The following CDH12 variants were observed in gnomAD, a reference collection of about 807,000 sequenced individuals.
CDH12 encodes the protein cadherin-12.
CDH12 carries 41 observed loss-of-function variants against 74.1 expected under a neutral mutation model. The ratio of observed to expected loss-of-function variants is 0.55; its 90% CI spans 0.43 to 0.72. CDH12 has a LOEUF of 0.72. CDH12 is among the 30% of genes least tolerant of loss of function. The pLI is 0.00. For synonymous variants in CDH12, 399 were observed against 355.0 expected (o/e 1.12, Z -1.39); for missense variants, 945 against 977.2 (o/e 0.97, Z 0.44).
chr5:22,501,757 A>AC lies in CDH12; in HGVS notation c.-428+3512_-428+3513insG, dbSNP rs1328697222. ...CTTACAAAGTATATTAAAAAAAAAA[A>AC]AAAACAGATGGCTCTGCAATTCATT... On this transcript the variant is annotated intron_variant, in intron 2 of 14. Coordinates refer to ENST00000382254, the MANE Select transcript of CDH12 (RefSeq NM_004061.5). Among the ~76,000 whole-genome samples the AC allele has an allele frequency of 1.3e-4, 19 of 151,648 alleles. 1 individual carries two copies. The highest frequency in any genetic ancestry group is 5.8e-4 in the East Asian group (3 of 5,178).
chr5:22,582,906 G>A (rs750048929), intron 1 of CDH12, among the ~76,000 whole-genome samples: 14 of 152,058 alleles, frequency 9.2e-5, no homozygotes, highest in Non-Finnish European at 1.2e-4. Context: ...CACTATAGGG[G>A]GATTGATATA....
intron 6 of CDH12, among the ~76,000 whole-genome samples, chr5:21,889,037 C>T (rs917854716): frequency 9.2e-5 from 14 of 151,928 alleles, no homozygotes; most frequent in African/African-American, 2.7e-4. Flanking sequence ...TAGAAAAGCA[C>T]ATATGATTAT....
intron 1 of CDH12, among the ~76,000 whole-genome samples, chr5:22,821,217 T>G (rs1222611814): frequency 6.6e-6 from 1 of 152,148 alleles, no homozygotes; most frequent in Non-Finnish European, 1.5e-5. Flanking sequence ...ATAAATTAGG[T>G]ATTGATGGGA....
chr5:21,878,896 G>T (rs1752092384), intron 6 of CDH12, among the ~76,000 whole-genome samples: 1 of 134,678 alleles, frequency 7.4e-6, no homozygotes, highest in Non-Finnish European at 1.6e-5. Flanking sequence ...AAAGAAAGAA[G>T]AAAGAAAAAG....
chr5:22,169,065 A>T (rs532282359), intron 4 of CDH12, among the ~76,000 whole-genome samples: 1 of 151,630 alleles, frequency 6.6e-6, no homozygotes. Flanking sequence ...TCTCTAGTCT[A>T]ATTCAGACCT....
At chr5:22,156,617 T>C (rs1472659730) in intron 4 of CDH12, among the ~76,000 whole-genome samples, 2 of 152,156 alleles carry the variant, frequency 1.3e-5, no homozygotes, top group Admixed American at 6.6e-5. Context: ...ATACAGTTTT[T>C]ACATAAGATA....
At chr5:22,363,519 T>G (rs1159349454) in intron 3 of CDH12, among the ~76,000 whole-genome samples, 1 of 152,166 alleles carries the variant, frequency 6.6e-6, no homozygotes, top group East Asian at 1.9e-4. Context: ...CCAAACAACC[T>G]TTTACACAGC....
At chr5:22,776,776 T>G (rs988485066) in intron 1 of CDH12, among the ~76,000 whole-genome samples, 4 of 149,652 alleles carry the variant, frequency 2.7e-5, no homozygotes, top group Non-Finnish European at 6.0e-5. Context: ...TCAGAATGGT[T>G]CTTTCTTTAT....
intron 4 of CDH12, among the ~76,000 whole-genome samples, chr5:22,195,490 T>C (rs1367603551): frequency 6.6e-6 from 1 of 152,232 alleles, no homozygotes; most frequent in African/African-American, 2.4e-5. Flanking sequence ...AATTCTACTT[T>C]ACAAACTTGG....
At chr5:22,247,342 G>A (rs375138095) in intron 3 of CDH12, among the ~76,000 whole-genome samples, 5 of 152,046 alleles carry the variant, frequency 3.3e-5, no homozygotes, top group African/African-American at 4.8e-5. Context: ...CATGCTTCAC[G>A]TCAGACTACA....
intron 6 of CDH12, among the ~76,000 whole-genome samples, chr5:21,948,500 T>C (rs1755680069): frequency 6.6e-6 from 1 of 152,238 alleles, no homozygotes; most frequent in Admixed American, 6.5e-5. Flanking sequence ...ATTTATCCAA[T>C]TCCTGTACCC....
intron 3 of CDH12, among the ~76,000 whole-genome samples, chr5:22,266,389 T>C (rs1228013611): frequency 6.6e-6 from 1 of 152,114 alleles, no homozygotes; most frequent in East Asian, 1.9e-4. Flanking sequence ...GTTGATTTTT[T>C]AATTAAACCA....
chr5:22,112,307 C>T (rs1744862975), intron 4 of CDH12, among the ~76,000 whole-genome samples: 1 of 152,028 alleles, frequency 6.6e-6, no homozygotes, highest in African/African-American at 2.4e-5. Context: ...TTTTCTATTT[C>T]AAAGAGAAGA....
intron 7 of CDH12, among the ~76,000 whole-genome samples, chr5:21,844,995 GTAGGTAGATAGA>G (rs990677385): frequency 3.7e-5 from 4 of 107,646 alleles, no homozygotes; most frequent in Non-Finnish European, 7.5e-5. Context: ...GACTACTGAG[GTAGGTAGATAGA>G]TAGATAGATA....
intron 2 of CDH12, among the ~76,000 whole-genome samples, chr5:22,499,271 C>G (rs1037972172): frequency 6.6e-6 from 1 of 152,016 alleles, no homozygotes; most frequent in African/African-American, 2.4e-5. Flanking sequence ...GAAATATCCA[C>G]GAATGTGTGG....
At position 21,850,464 on chromosome 5, in the gene CDH12, T is replaced by C. The variant is rs549151930; in HGVS notation, c.646+4207A>G. Among the ~76,000 whole-genome samples, 15 of 151,718 alleles carry C rather than the reference T, an allele frequency of 9.9e-5. No homozygotes were observed. In the East Asian group the frequency reaches 2.9e-3, roughly 29 times the overall value. The stretch of plus-strand genomic sequence containing the variant: ...TACAAAATAAATTTTTAAAATAATG[T>C]TCAAGTCATAAGCCTAAGTATGTCT... On this transcript the variant is annotated intron_variant, in intron 7 of 14. Transcript: ENST00000382254.
At chr5:22,174,284 A>G (rs1359548312) in intron 4 of CDH12, among the ~76,000 whole-genome samples, 4 of 151,932 alleles carry the variant, frequency 2.6e-5, no homozygotes, top group Non-Finnish European at 5.9e-5. Flanking sequence ...CTTGCACAGT[A>G]CCTTGAACTT....
chr5:22,135,552 G>C (rs1269370341), intron 4 of CDH12, among the ~76,000 whole-genome samples: 1 of 151,982 alleles, frequency 6.6e-6, no homozygotes, highest in Admixed American at 6.6e-5. Context: ...AATGTAAAGA[G>C]GAATCTCTAA....
chr5:21,881,430 T>C (rs1160043378), intron 6 of CDH12, among the ~76,000 whole-genome samples: 3 of 152,326 alleles, frequency 2.0e-5, no homozygotes, highest in Admixed American at 2.0e-4. Flanking sequence ...TCTTGACTTT[T>C]AGTTAAGTGG....
Sources: allele counts gnomAD v4.1 joint callset (sites outside exome capture counted in the v4.1 genomes callset), GRCh38; gene constraint gnomAD v4.1.1; transcripts MANE v1.5; gene names NCBI Gene and HGNC (gene_info 2026-07-23, HGNC 2026-07-21).